CELF4: variants seen among roughly 807,000 people sequenced by gnomAD.
The protein encoded by CELF4 is CUGBP Elav-like family member 4.
A neutral mutation model predicts 59.9 loss-of-function variants in CELF4; 18 were observed. The observed-to-expected ratio is 0.30, with a 90% CI of 0.21 to 0.45. The LOEUF (loss-of-function observed/expected upper bound fraction) is 0.45. Among genes scored for constraint, CELF4 ranks in the 20% least tolerant of loss-of-function variants. The pLI is 1.00. For missense variants in CELF4, 456 were observed against 689.0 expected, an observed-to-expected ratio of 0.66 and a Z score of 3.79; for synonymous variants, 261 against 267.1, an observed-to-expected ratio of 0.98 and a Z score of 0.22.
chr18:37,426,728 T>C lies in CELF4; in HGVS notation c.369+58797A>G, dbSNP rs16968934. Reference sequence around the variant, plus strand: ...CGGCCCTGTTCCCTTAAAAGTCTCATTAGAACACGTGGAAAACAATTTGCC... The same window carrying C: ...CGGCCCTGTTCCCTTAAAAGTCTCACTAGAACACGTGGAAAACAATTTGCC... On this transcript the variant is annotated intron_variant, in intron 2 of 12. Transcript: ENST00000420428. Among the ~76,000 whole-genome samples the C allele has an allele frequency of 7.8e-3, 1,191 of 152,208 alleles. 16 individuals are homozygous for C. The highest frequency in any genetic ancestry group is 0.027 in the African/African-American group (1,131 of 41,530).
At chr18:37,371,518 C>T (rs1225636302) in intron 2 of CELF4, among the ~76,000 whole-genome samples, 1 of 152,240 alleles carries the variant, frequency 6.6e-6, no homozygotes. Context: ...AGAAAGATCC[C>T]TCCTTTCCAG....
intron 1 of CELF4, among the ~76,000 whole-genome samples, chr18:37,519,731 C>A (rs768342129): frequency 2.0e-5 from 3 of 152,214 alleles, no homozygotes; most frequent in Admixed American, 1.3e-4. Context: ...CTCGCATATG[C>A]TCTGCACCTC....
intron 1 of CELF4, among the ~76,000 whole-genome samples, chr18:37,517,790 C>G (rs2099952503): frequency 6.6e-6 from 1 of 152,130 alleles, no homozygotes; most frequent in Non-Finnish European, 1.5e-5. Flanking sequence ...GGTGACACCT[C>G]CCTCTGTGGG....
intron 3 of CELF4, among the ~76,000 whole-genome samples, chr18:37,296,237 C>T (rs2095632055): frequency 6.6e-6 from 1 of 152,214 alleles, no homozygotes; most frequent in Admixed American, 6.5e-5. Context: ...CTTACTGCAG[C>T]CTCTGCCTTC....
chr18:37,565,750 C>G lies in CELF4; in HGVS notation c.-109G>C, dbSNP rs2099988011. ...ACGCATACACACACTCGGGTTCTCT[C>G]CCCCTCGGTTTCTCTACACCTCGCT... On this transcript the variant is annotated 5_prime_UTR_variant, in exon 1 of 13. Transcript: ENST00000420428. 1.1e-6 allele frequency: 1 copy of G among 874,340 alleles called. No homozygotes were observed. Among genetic ancestry groups the G allele is most frequent in the Non-Finnish European group, 1.6e-6 (1 of 608,828 alleles). The allele number at this position is 874,340 out of a possible 1,614,324, so 54.2% of individuals were successfully genotyped here.
At chr18:37,446,539 T>A (rs2099748668) in intron 2 of CELF4, among the ~76,000 whole-genome samples, 1 of 152,188 alleles carries the variant, frequency 6.6e-6, no homozygotes, top group Admixed American at 6.5e-5. Context: ...CTTCACCACC[T>A]GGAAGATGGT....
At chr18:37,395,870 G>A (rs1307036996) in intron 2 of CELF4, among the ~76,000 whole-genome samples, 2 of 152,144 alleles carry the variant, frequency 1.3e-5, no homozygotes, top group East Asian at 1.9e-4. Context: ...CCCCAGCCTG[G>A]GATCCAAGGC....
At chr18:37,544,381 T>G (rs2099979883) in intron 1 of CELF4, among the ~76,000 whole-genome samples, 1 of 152,190 alleles carries the variant, frequency 6.6e-6, no homozygotes, top group African/African-American at 2.4e-5. Flanking sequence ...GGGCTGGACC[T>G]CAGTGCTATG....
intron 3 of CELF4, among the ~76,000 whole-genome samples, chr18:37,291,688 C>T (rs2095342749): frequency 6.6e-6 from 1 of 152,176 alleles, no homozygotes; most frequent in African/African-American, 2.4e-5. Context: ...AGCAGCTGCT[C>T]ACAGGGTGGT....
intron 2 of CELF4, among the ~76,000 whole-genome samples, chr18:37,349,557 A>G (rs1171012903): frequency 1.3e-5 from 2 of 152,062 alleles, no homozygotes. Context: ...ACACTCATTT[A>G]CTCCAAAGCA....
intron 9 of CELF4, chr18:37,266,266 A>G (rs1302695716): frequency 5.2e-6 from 3 of 571,966 alleles, no homozygotes; most frequent in Non-Finnish European, 9.4e-6. Flanking sequence ...GGCCTCAAAG[A>G]CAGGTAACTG....
intron 3 of CELF4, among the ~76,000 whole-genome samples, chr18:37,284,843 A>T (rs1318065225): frequency 6.6e-6 from 1 of 152,238 alleles, no homozygotes; most frequent in Admixed American, 6.5e-5. Flanking sequence ...ACTGAGGCAC[A>T]GAGAAGTTAA....
chr18:37,308,715 C>T (rs1284712574), intron 3 of CELF4, among the ~76,000 whole-genome samples: 1 of 152,208 alleles, frequency 6.6e-6, no homozygotes, highest in African/African-American at 2.4e-5. Flanking sequence ...ACATCTAGGC[C>T]AGTCACCCAG....
chr18:37,545,581 C>T (rs1028926689), intron 1 of CELF4, among the ~76,000 whole-genome samples: 1 of 152,232 alleles, frequency 6.6e-6, no homozygotes, highest in Non-Finnish European at 1.5e-5. Context: ...CCCTGGGCCC[C>T]ACTCTGGCCC....
chr18:37,508,440 C>A (rs1297149887), intron 1 of CELF4, among the ~76,000 whole-genome samples: 1 of 152,196 alleles, frequency 6.6e-6, no homozygotes, highest in East Asian at 1.9e-4. Flanking sequence ...AGGTCTTGGG[C>A]TGTGGTCTCA....
chr18:37,430,505 T>C (rs1431683573), intron 2 of CELF4, among the ~76,000 whole-genome samples: 1 of 152,178 alleles, frequency 6.6e-6, no homozygotes, highest in African/African-American at 2.4e-5. Flanking sequence ...GGATGGTGTG[T>C]AGCGCAGTAA....
chr18:37,429,956 C>T (rs1171504990), intron 2 of CELF4, among the ~76,000 whole-genome samples: 1 of 152,214 alleles, frequency 6.6e-6, no homozygotes, highest in Admixed American at 6.5e-5. Context: ...TCCAATCTGT[C>T]TCCTGACTCT....
At chr18:37,443,617 C>T (rs578226436) in intron 2 of CELF4, among the ~76,000 whole-genome samples, 449 of 152,204 alleles carry the variant, frequency 2.9e-3, no homozygotes, top group African/African-American at 0.01. Context: ...TCCAAGGCTC[C>T]CCTGGAAGGC....
At chr18:37,249,288 A>T (rs553132794) in intron 12 of CELF4, among the ~76,000 whole-genome samples, 22 of 152,222 alleles carry the variant, frequency 1.4e-4, no homozygotes, top group East Asian at 1.9e-4. Context: ...TAAGGAGGGT[A>T]TTGCCATCAG....
Sources: gnomAD v4.1 joint callset for allele counts (sites outside exome capture counted in the v4.1 genomes callset) on GRCh38, gnomAD v4.1.1 for gene constraint, MANE v1.5 for transcripts, NCBI Gene and HGNC (gene_info 2026-07-23, HGNC 2026-07-21) for gene names.